The following ARHGEF12 variants were observed in gnomAD, a reference collection of about 807,000 sequenced individuals.
The protein encoded by ARHGEF12 is KMT2A/ARHGEF12 fusion protein.
A neutral mutation model predicts 211.2 loss-of-function variants in ARHGEF12; 66 were observed. The ratio of observed to expected loss-of-function variants is 0.31; its 90% CI spans 0.26 to 0.38. ARHGEF12 has a LOEUF of 0.38. ARHGEF12 is among the 10% of genes least tolerant of loss of function. The pLI is 1.00. For synonymous variants in ARHGEF12, 592 were observed against 638.4 expected, an observed-to-expected ratio of 0.93 and a Z score of 1.09; for missense variants, 1,429 against 1,869.5, an observed-to-expected ratio of 0.76 and a Z score of 4.34.
intron 4 of ARHGEF12, among the ~76,000 whole-genome samples, chr11:120,412,364 A>G (rs1944910635): frequency 6.6e-6 from 1 of 152,196 alleles, no homozygotes; most frequent in Non-Finnish European, 1.5e-5. Flanking sequence ...AAAATACCAT[A>G]GACTGCTTGG....
chr11:120,487,605 T>C lies in ARHGEF12; in HGVS notation c.*2528T>C, dbSNP rs1165744200. On this transcript the variant is annotated 3_prime_UTR_variant, in exon 41 of 41. Coordinates refer to ENST00000397843, the MANE Select transcript of ARHGEF12 (RefSeq NM_015313.3). ...ACTGGTCACCATCAGAGGAGTTTTTTCTAAGTGACGTGACTAGAAGTTGAA... is the reference window on the plus strand; with the variant it reads ...ACTGGTCACCATCAGAGGAGTTTTTCCTAAGTGACGTGACTAGAAGTTGAA... 4.7e-6 allele frequency: 1 copy of C among 212,346 alleles called. No individual in the cohort carries two copies. Among genetic ancestry groups the C allele is most frequent in the Non-Finnish European group, 9.5e-6 (1 of 104,934 alleles). The allele number at this position is 212,346 out of a possible 1,614,324, so 13.2% of individuals were successfully genotyped here. A position where few individuals can be genotyped will look rare whatever the true frequency, so the allele number is the denominator to read the frequency against.
chr11:120,438,647 G>C (rs534795070), intron 12 of ARHGEF12: 2 of 152,304 alleles, frequency 1.3e-5, no homozygotes, highest in Admixed American at 6.5e-5. Context: ...TATAACTGCT[G>C]TGCAAATGAC....
chr11:120,449,080 A>G lies in ARHGEF12; in HGVS notation c.1738-29A>G, dbSNP rs181179453. The G allele has an allele frequency of 1.2e-3, 1,824 of 1,583,616 alleles. 2 individuals are homozygous for G. The highest frequency in any genetic ancestry group is 1.4e-3 in the Non-Finnish European group (1,674 of 1,154,582). Reference sequence around the variant, plus strand: ...GCAAAAGAAATTTACTCTGTTACGTATCTCTTATTTTTTGTACTTCAACTC... The same window carrying G: ...GCAAAAGAAATTTACTCTGTTACGTGTCTCTTATTTTTTGTACTTCAACTC... On this transcript the variant is annotated intron_variant, in intron 20 of 40. Transcript: ENST00000397843.
At chr11:120,448,822 G>A (rs1946122040) in intron 20 of ARHGEF12, 1 of 329,266 alleles carries the variant, frequency 3.0e-6, no homozygotes, top group Non-Finnish European at 5.5e-6. Flanking sequence ...TTGTTGAATG[G>A]ATGAATGAAT....
intron 26 of ARHGEF12, 64 bp from the exon 27 acceptor site, chr11:120,460,608 T>C: frequency 7.2e-7 from 1 of 1,382,132 alleles, no homozygotes; most frequent in South Asian, 1.2e-5. Flanking sequence ...AGCTACTCTG[T>C]ACTACCAGTA....
chr11:120,472,993 A>T, intron 30 of ARHGEF12, 57 bp from the exon 31 acceptor site: 1 of 1,503,650 alleles, frequency 6.7e-7, no homozygotes, highest in East Asian at 2.3e-5. Context: ...ATTCAGAAAT[A>T]GAGAGGTCAT....
intron 18 of ARHGEF12, 23 bp downstream of exon 18, chr11:120,447,108 G>T (rs1946069055): frequency 1.9e-6 from 3 of 1,610,522 alleles, no homozygotes; most frequent in Admixed American, 1.7e-5. Context: ...AGTATATGTG[G>T]AAATGCCCTC....
chr11:120,363,918 A>C (rs984062461), intron 1 of ARHGEF12, among the ~76,000 whole-genome samples: 1 of 152,184 alleles, frequency 6.6e-6, no homozygotes, highest in Admixed American at 6.5e-5. Flanking sequence ...ATGGAACTTT[A>C]GTTTTCCAGC....
At chr11:120,407,619 T>A (rs1313880062) in intron 2 of ARHGEF12, 119 bp from the exon 3 acceptor site, 4 of 672,026 alleles carry the variant, frequency 6.0e-6, no homozygotes, top group Non-Finnish European at 1.0e-5. Context: ...AGGCTTATGG[T>A]GCTGTGTAAA....
intron 4 of ARHGEF12, among the ~76,000 whole-genome samples, chr11:120,418,795 A>G (rs1397648487): frequency 1.3e-5 from 2 of 152,108 alleles, no homozygotes; most frequent in East Asian, 1.9e-4. Flanking sequence ...GCACCTTTAC[A>G]TGTGCTTATT....
In ARHGEF12 at chr11:120,448,476, G is replaced by C. The variant is rs1946109951; in HGVS notation, c.1737+128G>C. On this transcript the variant is annotated intron_variant, in intron 20 of 40. Coordinates refer to ENST00000397843, the MANE Select transcript of ARHGEF12 (RefSeq NM_015313.3). ...ATGCTAGTCATACAAACATTTATAAGATACTGTCTCTGTTCTCAAGAAACT... is the reference window on the plus strand; with the variant it reads ...ATGCTAGTCATACAAACATTTATAACATACTGTCTCTGTTCTCAAGAAACT... 4 of 670,510 alleles carry C rather than the reference G, an allele frequency of 6.0e-6. No individual in the cohort carries two copies. In the East Asian group the frequency reaches 1.1e-4, roughly 18 times the overall value. The allele number at this position is 670,510 out of a possible 1,614,324, so 41.5% of individuals were successfully genotyped here. A position where few individuals can be genotyped will look rare whatever the true frequency, so the allele number is the denominator to read the frequency against.
At chr11:120,439,984 T>C in intron 12 of ARHGEF12, 145 bp from the exon 13 acceptor site, 1 of 636,944 alleles carries the variant, frequency 1.6e-6, no homozygotes, top group South Asian at 2.2e-5. Context: ...ACCCCTACTT[T>C]GAAAATAAAG....
At position 120,489,813 on chromosome 11, in the gene ARHGEF12, A is replaced by G. The variant is rs968153231; in HGVS notation, c.*4736A>G. On this transcript the variant is annotated 3_prime_UTR_variant, in exon 41 of 41. Coordinates refer to ENST00000397843, the MANE Select transcript of ARHGEF12 (RefSeq NM_015313.3). The stretch of plus-strand genomic sequence containing the variant: ...TGTTTACAAACATATATCTATATCT[A>G]TATATATAGATACAGATACAGATAC... The G allele has an allele frequency of 1.4e-4, 27 of 187,118 alleles. No homozygotes were observed. The highest frequency in any genetic ancestry group is 5.6e-4 in the African/African-American group (24 of 42,678). The allele number at this position is 187,118 out of a possible 1,614,324, so 11.6% of individuals were successfully genotyped here.
chr11:120,449,335 CA>C, intron 21 of ARHGEF12, 121 bp downstream of exon 21: 1 of 739,316 alleles, frequency 1.4e-6, no homozygotes, highest in East Asian at 2.7e-5. Context: ...ACTGAATTCC[CA>C]ATATGCCTTG....
chr11:120,347,990 ATT>A (rs1455165590), intron 1 of ARHGEF12, among the ~76,000 whole-genome samples: 3 of 152,222 alleles, frequency 2.0e-5, no homozygotes, highest in East Asian at 1.9e-4. Context: ...TATCAAATTA[ATT>A]TTGTTTCCTT....
intron 1 of ARHGEF12, among the ~76,000 whole-genome samples, chr11:120,385,862 G>A (rs796988802): frequency 9.2e-5 from 14 of 152,046 alleles, no homozygotes; most frequent in African/African-American, 2.7e-4. Context: ...AGACTTTGAC[G>A]TATTATTCTG....
rs556881469 is a variant in ARHGEF12 at position 120,447,919 on chromosome 11, T to G, written c.1622+13T>G. On this transcript the variant is annotated intron_variant, in intron 19 of 40. Coordinates refer to ENST00000397843, the MANE Select transcript of ARHGEF12 (RefSeq NM_015313.3). ...AGGAAGATAAGAGGTAACATAACTG[T>G]TTTTTTTCCCCTAGAATTTTAAGAA... The G allele has an allele frequency of 1.0e-5, 16 of 1,543,806 alleles. No individual in the cohort carries two copies. Among genetic ancestry groups the G allele is most frequent in the African/African-American group, 4.2e-5 (3 of 71,378 alleles).
In ARHGEF12 at chr11:120,431,671, C is replaced by G. The variant is rs556919123; in HGVS notation, c.784-100C>G. On this transcript the variant is annotated intron_variant, in intron 10 of 40. Coordinates refer to ENST00000397843, the MANE Select transcript of ARHGEF12 (RefSeq NM_015313.3). ...ATCAGAATGTCCAACTTTTAGTAGT[C>G]TCCATGTAGATTGTAGTACCACTAT... is the stretch of plus-strand genomic sequence containing the variant. 61 of 1,281,506 alleles carry G rather than the reference C, an allele frequency of 4.8e-5. No homozygotes were observed. The Admixed American group carries it at 1.6e-3, about 34-fold the overall frequency. The allele number at this position is 1,281,506 out of a possible 1,614,324, so 79.4% of individuals were successfully genotyped here.
intron 22 of ARHGEF12, among the ~76,000 whole-genome samples, chr11:120,453,718 A>T (rs771058155): frequency 7.9e-5 from 12 of 152,332 alleles, no homozygotes; most frequent in Non-Finnish European, 1.8e-4. Context: ...ACCCTATCTC[A>T]AGAAAAACAA....
Sources: gnomAD v4.1 joint callset for allele counts (sites outside exome capture counted in the v4.1 genomes callset) on GRCh38, gnomAD v4.1.1 for gene constraint, MANE v1.5 for transcripts, NCBI Gene and HGNC (gene_info 2026-07-23, HGNC 2026-07-21) for gene names.